Variants in SRGAP3 observed in about 807,000 individuals in gnomAD.
SRGAP3 encodes the protein SLIT-ROBO Rho GTPase activating protein 3, also known as SLIT-ROBO Rho GTPase-activating protein 3.
In SRGAP3, 39 loss-of-function variants were observed where a neutral mutation model predicts 121.1. The ratio of observed to expected loss-of-function variants is 0.32; its 90% CI spans 0.25 to 0.42. The LOEUF (loss-of-function observed/expected upper bound fraction) is 0.42. SRGAP3 is among the 10% of genes least tolerant of loss of function. The pLI is 1.00. For missense variants in SRGAP3, 1,213 were observed against 1,470.6 expected (o/e 0.82, Z 2.86); for synonymous variants, 601 against 570.0 (o/e 1.05, Z -0.77).
chr3:9,245,528 T>G (rs1298359662), intron 1 of SRGAP3, among the ~76,000 whole-genome samples: 1 of 152,088 alleles, frequency 6.6e-6, no homozygotes, highest in Non-Finnish European at 1.5e-5. Context: ...CAGTGGGCAG[T>G]CCAAGGGAAG....
intron 1 of SRGAP3, among the ~76,000 whole-genome samples, chr3:9,346,937 G>A (rs767464226): frequency 6.6e-6 from 1 of 151,894 alleles, no homozygotes; most frequent in African/African-American, 2.4e-5. Context: ...TGTATTTTTA[G>A]TAGAGATGGG....
intron 1 of SRGAP3, among the ~76,000 whole-genome samples, chr3:9,159,780 C>T (rs1294726078): frequency 1.3e-5 from 2 of 152,198 alleles, no homozygotes; most frequent in Admixed American, 1.3e-4. Flanking sequence ...ACTATAAGTG[C>T]GCCACATGGA....
intron 1 of SRGAP3, among the ~76,000 whole-genome samples, chr3:9,243,466 C>T (rs1169959410): frequency 6.6e-6 from 1 of 152,046 alleles, no homozygotes; most frequent in Non-Finnish European, 1.5e-5. Context: ...GAAACCCCGT[C>T]TCTACTGAAA....
At chr3:9,054,432 C>A (rs777632509) in intron 8 of SRGAP3, among the ~76,000 whole-genome samples, 9 of 152,236 alleles carry the variant, frequency 5.9e-5, no homozygotes, top group Non-Finnish European at 1.3e-4. Context: ...ACTCTTTCAA[C>A]CAACTGTCAA....
chr3:9,301,240 C>A (rs1955048938), intron 3 of SRGAP3, among the ~76,000 whole-genome samples: 1 of 152,190 alleles, frequency 6.6e-6, no homozygotes, highest in African/African-American at 2.4e-5. Flanking sequence ...CTCTCACATG[C>A]CAAGAGAGGA....
chr3:9,099,365 T>C (rs1948117945), intron 3 of SRGAP3, among the ~76,000 whole-genome samples: 1 of 152,148 alleles, frequency 6.6e-6, no homozygotes, highest in South Asian at 2.1e-4. Context: ...AGTAATTAAA[T>C]TCCACAGGCA....
chr3:9,164,840 G>C lies in SRGAP3; in HGVS notation c.68-39923C>G, dbSNP rs544261778. Among the ~76,000 whole-genome samples, 212 of 152,314 alleles carry C rather than the reference G, an allele frequency of 1.4e-3. 1 individual carries two copies. Among genetic ancestry groups the C allele is most frequent in the African/African-American group, 4.6e-3 (191 of 41,568 alleles). ...CTTGAGGTTAGGTGATCTTCCCTTT[G>C]ATCCACAGAGAAATCCTCCTTTTAC... On this transcript the variant is annotated intron_variant, in intron 1 of 21. Coordinates refer to ENST00000383836, the MANE Select transcript of SRGAP3 (RefSeq NM_014850.4).
At chr3:9,033,233 G>C (rs1400480316) in intron 11 of SRGAP3, among the ~76,000 whole-genome samples, 1 of 152,164 alleles carries the variant, frequency 6.6e-6, no homozygotes, top group Non-Finnish European at 1.5e-5. Context: ...ATGCCTCTTG[G>C]CATTTCAAAT....
At chr3:9,325,215 G>A (rs868615786) in intron 3 of SRGAP3, among the ~76,000 whole-genome samples, 15 of 151,800 alleles carry the variant, frequency 9.9e-5, no homozygotes, top group East Asian at 3.9e-4. Flanking sequence ...GAGCACTAAG[G>A]AGGCTATTGT....
At chr3:9,291,411 A>T (rs2252667) in intron 3 of SRGAP3, among the ~76,000 whole-genome samples, 30,836 of 152,150 alleles carry the variant, frequency 0.2, 3,323 homozygotes, top group Non-Finnish European at 0.24. Flanking sequence ...CCTTTGCTGT[A>T]CAGGATTTCG....
intron 3 of SRGAP3, among the ~76,000 whole-genome samples, chr3:9,280,935 G>A (rs1294211235): frequency 6.6e-6 from 1 of 151,948 alleles, no homozygotes. Context: ...TCAGAAAGCA[G>A]AGGTAATGTT....
chr3:9,294,558 A>AC (rs896881433), intron 3 of SRGAP3, among the ~76,000 whole-genome samples: 4 of 151,744 alleles, frequency 2.6e-5, no homozygotes, highest in Non-Finnish European at 4.4e-5. Context: ...AACAAAAAAA[A>AC]ACACCAATTC....
chr3:9,305,183 A>G (rs920160956), intron 3 of SRGAP3, among the ~76,000 whole-genome samples: 1 of 152,160 alleles, frequency 6.6e-6, no homozygotes, highest in African/African-American at 2.4e-5. Context: ...GTCTGCCACC[A>G]AAGAAGAGAG....
Position 8,983,420 on chromosome 3 carries a change from C to G in SRGAP3, c.*2099G>C, listed in dbSNP as rs1237069915. The G allele has an allele frequency of 8.7e-6, 2 of 229,650 alleles. No homozygotes were observed. Among genetic ancestry groups the G allele is most frequent in the Non-Finnish European group, 1.7e-5 (2 of 115,998 alleles). 14.2% of individuals were successfully genotyped at this position (229,650 alleles called of 1,614,324 possible). A position where few individuals can be genotyped will look rare whatever the true frequency, so the allele number is the denominator to read the frequency against. On this transcript the variant is annotated 3_prime_UTR_variant, in exon 22 of 22. Transcript: ENST00000383836. Reference sequence around the variant, plus strand: ...GATGCTCCCTTCCACTGTGGGGTGTCAAGTCCAGTCCTTCAGACGAGGTAG... The same window carrying G: ...GATGCTCCCTTCCACTGTGGGGTGTGAAGTCCAGTCCTTCAGACGAGGTAG...
intron 1 of SRGAP3, among the ~76,000 whole-genome samples, chr3:9,336,968 G>A (rs1310262664): frequency 1.3e-5 from 2 of 152,044 alleles, no homozygotes; most frequent in African/African-American, 4.8e-5. Flanking sequence ...CTGGCCTCAA[G>A]CAATCCTCCC....
intron 3 of SRGAP3, among the ~76,000 whole-genome samples, chr3:9,284,601 G>A (rs546053401): frequency 8.9e-4 from 135 of 152,238 alleles, no homozygotes; most frequent in African/African-American, 3.1e-3. Context: ...AAGGCTGATC[G>A]GATGGATTAT....
chr3:9,257,443 C>G (rs555398829), intron 3 of SRGAP3: 1 of 152,182 alleles, frequency 6.6e-6, no homozygotes, highest in East Asian at 1.9e-4. Context: ...ATGCTGGCAC[C>G]CTAATCTCAG....
In SRGAP3 at chr3:9,058,450, G is replaced by A. The variant is rs1165030413; in HGVS notation, c.824C>T (p.Ala275Val). 2.5e-6 allele frequency: 4 copies of A among 1,614,046 alleles called. No individual in the cohort carries two copies. Among genetic ancestry groups the A allele is most frequent in the Admixed American group, 1.7e-5 (1 of 60,028 alleles). ...GGTCCGGAAGGTGCGGGCCAGGCTG[G>A]CATGGAAGCCCAAATCACAGCACTT... ...LIDCCDLGFH[A>V]SLARTFRTYL... The change falls in exon 7 of 22, where the codon GCC becomes GTC. Residue 275 changes from alanine to valine, a missense_variant. This residue lies in a region of SRGAP3 where 793 missense variants were observed against 1,032.9 expected (regional missense o/e 0.77). Transcript: ENST00000383836.
At chr3:9,316,059 T>C (rs920484555) in intron 3 of SRGAP3, among the ~76,000 whole-genome samples, 2 of 151,854 alleles carry the variant, frequency 1.3e-5, no homozygotes, top group Admixed American at 1.3e-4. Flanking sequence ...ATTGTATTTA[T>C]TTTTTTTGAG....
Sources: gnomAD v4.1 joint callset for allele counts (sites outside exome capture counted in the v4.1 genomes callset) on GRCh38, gnomAD v4.1.1 for gene constraint, gnomAD v4.1.1 regional missense constraint, MANE v1.5 for transcripts, NCBI Gene and HGNC (gene_info 2026-07-23, HGNC 2026-07-21) for gene names.